Variants in CPNE8 observed in about 807,000 individuals in gnomAD.
The protein encoded by CPNE8 is copine-8.
Under a neutral mutation model 81.5 loss-of-function variants are expected in CPNE8, and 45 were observed. The observed-to-expected ratio is 0.55, with a 90% CI of 0.44 to 0.71. The LOEUF is 0.71. Among genes scored for constraint, CPNE8 ranks in the 30% least tolerant of loss-of-function variants. The pLI is 0.00. For synonymous variants in CPNE8, 252 were observed against 226.3 expected, an observed-to-expected ratio of 1.11 and a Z score of -1.02; for missense variants, 594 against 672.1, an observed-to-expected ratio of 0.88 and a Z score of 1.28.
rs528035824 is a variant in CPNE8 at position 38,682,798 on chromosome 12, T to G, written c.1271+2692A>C. Among the ~76,000 whole-genome samples, 8 of 152,282 alleles carry G rather than the reference T, an allele frequency of 5.3e-5. No individual in the cohort carries two copies. The Middle Eastern group carries it at 0.017, about 324-fold the overall frequency. On this transcript the variant is annotated intron_variant, in intron 16 of 19. Transcript: ENST00000331366. ...AGAAGAAGCAGAGATTCTCTGTGAC[T>G]GAAGTGCAGTACATTTGAGAGAATG... is the stretch of plus-strand genomic sequence containing the variant.
intron 3 of CPNE8, among the ~76,000 whole-genome samples, chr12:38,849,842 T>C (rs766682858): frequency 1.3e-5 from 2 of 152,210 alleles, no homozygotes; most frequent in Non-Finnish European, 2.9e-5. Flanking sequence ...ATTTACCTTG[T>C]TCCAAGCACT....
At chr12:38,743,369 A>G (rs1941152980) in intron 10 of CPNE8, among the ~76,000 whole-genome samples, 1 of 152,104 alleles carries the variant, frequency 6.6e-6, no homozygotes, top group Admixed American at 6.6e-5. Flanking sequence ...ATTTCTTTAT[A>G]TTAAAATGCT....
chr12:38,798,508 T>A (rs560423927), intron 6 of CPNE8, among the ~76,000 whole-genome samples: 1 of 151,736 alleles, frequency 6.6e-6, no homozygotes, highest in African/African-American at 2.4e-5. Context: ...CTGAGAGATG[T>A]TGTCACCACC....
intron 1 of CPNE8, among the ~76,000 whole-genome samples, chr12:38,889,170 T>C (rs1007475100): frequency 4.0e-5 from 6 of 150,526 alleles, no homozygotes; most frequent in Non-Finnish European, 5.9e-5. Context: ...TATGAACACA[T>C]TGGGCTCCAG....
At position 38,902,354 on chromosome 12, in the gene CPNE8, A is replaced by C. The variant is rs1287429326; in HGVS notation, c.98+3083T>G. 1.2e-3 allele frequency among the ~76,000 whole-genome samples: 119 copies of C among 99,388 alleles called. 3 individuals carry two copies. The highest frequency in any genetic ancestry group is 4.2e-3 in the Middle Eastern group (1 of 240). 65.2% of individuals were successfully genotyped at this position (99,388 alleles called of 152,430 possible). A position where few individuals can be genotyped will look rare whatever the true frequency, so the allele number is the denominator to read the frequency against. On this transcript the variant is annotated intron_variant, in intron 1 of 19. Transcript: ENST00000331366. ...AAAGAAAGAAAGAAAGAAAGAAAGA[A>C]AGAAAGAAAGAAAGAAAGAAAGAAA...
At chr12:38,823,005 GGTGA>G (rs10608225) in intron 6 of CPNE8, among the ~76,000 whole-genome samples, 35,479 of 151,850 alleles carry the variant, frequency 0.23, 5,297 homozygotes, top group Non-Finnish European at 0.33. Context: ...CCTGTTTTAT[GGTGA>G]GTTTGTATGT....
intron 6 of CPNE8, among the ~76,000 whole-genome samples, chr12:38,816,787 C>A (rs566538345): frequency 2.5e-4 from 38 of 152,310 alleles, no homozygotes; most frequent in African/African-American, 7.7e-4. Flanking sequence ...AATCTTTCAT[C>A]AGAGTTACCT....
rs1171309532 is a variant in CPNE8 at position 38,868,252 on chromosome 12, CTATT to C, written c.186+4748_186+4751del. Among the ~76,000 whole-genome samples, 13 of 152,140 alleles carry C rather than the reference CTATT, an allele frequency of 8.5e-5. No homozygotes were observed. In the East Asian group the frequency reaches 2.5e-3, roughly 29 times the overall value. ...TTGCATGCTCCCTGAGGTAGAAACA[CTATT>C]TATTTTTAAATTTTATTCACTACTA... On this transcript the variant is annotated intron_variant, in intron 3 of 19. Coordinates refer to ENST00000331366, the MANE Select transcript of CPNE8 (RefSeq NM_153634.3).
intron 13 of CPNE8, among the ~76,000 whole-genome samples, chr12:38,717,345 T>TCA: frequency 2.0e-5 from 3 of 148,460 alleles, no homozygotes; most frequent in Middle Eastern, 7.0e-3. Context: ...ACATACATGT[T>TCA]TATAGCAGCA....
At chr12:38,723,895 A>C (rs1022225517) in intron 12 of CPNE8, 62 bp from the exon 13 acceptor site, 1 of 886,286 alleles carries the variant, frequency 1.1e-6, no homozygotes, top group African/African-American at 1.7e-5. Context: ...GACCTTTCTA[A>C]TTATTAGAGA....
intron 3 of CPNE8, among the ~76,000 whole-genome samples, chr12:38,857,323 CTA>C (rs1457672928): frequency 2.2e-4 from 33 of 152,108 alleles, no homozygotes; most frequent in African/African-American, 7.0e-4. Flanking sequence ...AATATATTGA[CTA>C]TAAATAAAAC....
intron 19 of CPNE8, among the ~76,000 whole-genome samples, chr12:38,663,615 C>A (rs1200584055): frequency 6.6e-6 from 1 of 152,030 alleles, no homozygotes; most frequent in Admixed American, 6.6e-5. Context: ...AGCAATCCCA[C>A]TACTGGGTAT....
At chr12:38,874,571 A>G in intron 1 of CPNE8, 60 bp from the exon 2 acceptor site, 3 of 1,070,410 alleles carry the variant, frequency 2.8e-6, no homozygotes, top group Non-Finnish European at 2.8e-6. Flanking sequence ...ATATTTATAT[A>G]GACATATTAA....
chr12:38,864,705 C>G (rs1943890596), intron 3 of CPNE8, among the ~76,000 whole-genome samples: 1 of 152,120 alleles, frequency 6.6e-6, no homozygotes, highest in Admixed American at 6.5e-5. Context: ...CCCAGAGGAA[C>G]TGTAGGTCTA....
intron 11 of CPNE8, chr12:38,726,725 C>A (rs989585406): frequency 9.9e-5 from 15 of 152,108 alleles, no homozygotes; most frequent in Non-Finnish European, 1.5e-4. Flanking sequence ...ATTAATCTAG[C>A]ATTATGCCTT....
chr12:38,874,516 T>C lies in CPNE8; in HGVS notation c.99-5A>G. On this transcript the variant is annotated splice_region_variant and splice_polypyrimidine_tract_variant and intron_variant, in intron 1 of 19. Transcript: ENST00000331366. ...GTGTCTCTGTCAAGAAGATTTCTGT[T>C]GAATAAAACAGAAAATGTTAGCTGG... 3.1e-6 allele frequency: 5 copies of C among 1,601,184 alleles called. No individual in the cohort carries two copies. The highest frequency in any genetic ancestry group is 4.3e-6 in the Non-Finnish European group (5 of 1,170,868).
chr12:38,689,964 T>C (rs1939637673), intron 15 of CPNE8, among the ~76,000 whole-genome samples: 1 of 152,204 alleles, frequency 6.6e-6, no homozygotes, highest in African/African-American at 2.4e-5. Flanking sequence ...CCATTCCTTT[T>C]CCTTTTCTCA....
chr12:38,763,886 TCC>T (rs1179406225), intron 8 of CPNE8, among the ~76,000 whole-genome samples: 1 of 151,052 alleles, frequency 6.6e-6, no homozygotes, highest in African/African-American at 2.4e-5. Flanking sequence ...TGATGAAATA[TCC>T]CCCCTTTGAT....
In CPNE8 at chr12:38,895,029, T is replaced by C. The variant is rs1450514357; in HGVS notation, c.98+10408A>G. Among the ~76,000 whole-genome samples the C allele has an allele frequency of 2.6e-5, 4 of 152,198 alleles. No individual in the cohort carries two copies. The East Asian group carries it at 7.7e-4, about 29-fold the overall frequency. ...ATGGCAATTATAATCATATCTCTGG[T>C]TCATTACACTCTCTGACATTTGAGA... is the stretch of plus-strand genomic sequence containing the variant. On this transcript the variant is annotated intron_variant, in intron 1 of 19. Transcript: ENST00000331366.
Sources: gnomAD v4.1 joint callset for allele counts (sites outside exome capture counted in the v4.1 genomes callset) on GRCh38, gnomAD v4.1.1 for gene constraint, MANE v1.5 for transcripts, NCBI Gene and HGNC (gene_info 2026-07-23, HGNC 2026-07-21) for gene names.